Variants in ARL10 observed in about 807,000 individuals in gnomAD.
The protein encoded by ARL10 is ADP-ribosylation factor-like protein 10.
Under a neutral mutation model 26.1 loss-of-function variants are expected in ARL10, and 23 were observed. The ratio of observed to expected loss-of-function variants is 0.88; its 90% CI spans 0.63 to 1.25. ARL10 has a LOEUF of 1.25. ARL10 is among the 50% of genes most tolerant of loss of function. The pLI is 0.00. For missense variants in ARL10, 300 were observed against 323.6 expected (o/e 0.93, Z 0.56); for synonymous variants, 138 against 149.1 (o/e 0.93, Z 0.54).
rs1768605144 is a variant in ARL10 at position 176,373,353 on chromosome 5, CTTA to C, written c.*1463_*1465del. The C allele has an allele frequency of 3.4e-6, 1 of 293,870 alleles. No homozygotes were observed. Among genetic ancestry groups the C allele is most frequent in the Non-Finnish European group, 6.2e-6 (1 of 160,274 alleles). The allele number at this position is 293,870 out of a possible 1,614,324, so 18.2% of individuals were successfully genotyped here. On this transcript the variant is annotated 3_prime_UTR_variant, in exon 4 of 4. Coordinates refer to ENST00000310389, the MANE Select transcript of ARL10 (RefSeq NM_173664.6). ...TTGAAGGACTGGCTCTGTACTGACA[CTTA>C]TTATCGGTACAGGCAAAGAGGAGCC... is the stretch of plus-strand genomic sequence containing the variant.
intron 1 of ARL10, among the ~76,000 whole-genome samples, chr5:176,400,028 C>T (rs559463200): frequency 3.3e-4 from 50 of 152,078 alleles, no homozygotes; most frequent in Middle Eastern, 3.5e-3. Flanking sequence ...CCCATCTCTA[C>T]TAAAAACACA....
the ARL10 span, among the ~76,000 whole-genome samples, chr5:176,414,528 C>T: frequency 1.2e-4 from 18 of 151,878 alleles, no homozygotes; most frequent in African/African-American, 3.6e-4. Context: ...CTACACCTCC[C>T]GGGCTCAAGC....
At chr5:176,401,807 G>A (rs1291835939) in exon 2 of ARL10, 11 of 455,006 alleles carry the variant, frequency 2.4e-5, no homozygotes, top group Non-Finnish European at 3.5e-5. Flanking sequence ...CCTCCTGTTC[G>A]TCCTTGATTT....
intron 1 of ARL10, among the ~76,000 whole-genome samples, chr5:176,400,964 A>AAGGGCAGGCC (rs750189890): frequency 1.2e-4 from 18 of 152,144 alleles, no homozygotes; most frequent in Non-Finnish European, 2.2e-4. Context: ...GGAGTGAGGG[A>AAGGGCAGGCC]AGGGCAGGCC....
chr5:176,412,147 G>T, the ARL10 span, among the ~76,000 whole-genome samples: 2 of 145,914 alleles, frequency 1.4e-5, no homozygotes, highest in East Asian at 4.0e-4. Context: ...CTGCACTCCA[G>T]CCTGGGCGAC....
At position 176,368,733 on chromosome 5, in the gene ARL10, C is replaced by CGGGGT; in HGVS notation, c.386-64_386-60dup. 7.7e-7 allele frequency: 1 copy of CGGGGT among 1,299,334 alleles called. No individual in the cohort carries two copies. Among genetic ancestry groups the CGGGGT allele is most frequent in the Non-Finnish European group, 9.7e-7 (1 of 1,027,284 alleles). 80.5% of individuals were successfully genotyped at this position (1,299,334 alleles called of 1,614,324 possible). On this transcript the variant is annotated intron_variant, in intron 2 of 3. Coordinates refer to ENST00000310389, the MANE Select transcript of ARL10 (RefSeq NM_173664.6). The surrounding 1 kb of genome is among the most constrained non-coding windows in gnomAD (Gnocchi z 4.1). ...GGGCTGTGGGCAGTGAGCGGGGGCC[C>CGGGGT]GGGGTGGGGTGGGGGCTGTGGGCAG...
Position 176,388,129 on chromosome 5 carries a change from G to C in ARL10, c.37-166G>C. ...TGACTGTGGGGAGGTCGAAAACTCGGAAGGGCCTGAGGGAAGGAATGGGCA... is the reference window on the plus strand; with the variant it reads ...TGACTGTGGGGAGGTCGAAAACTCGCAAGGGCCTGAGGGAAGGAATGGGCA... On this transcript the variant is annotated intron_variant, in intron 1 of 1. Coordinates refer to the ARL10 transcript ENST00000503175. 1.6e-5 allele frequency: 13 copies of C among 832,126 alleles called. 1 individual carries two copies. The South Asian group carries it at 2.0e-4, about 13-fold the overall frequency. The allele number at this position is 832,126 out of a possible 1,614,324, so 51.5% of individuals were successfully genotyped here.
At chr5:176,412,619 T>C in the ARL10 span, among the ~76,000 whole-genome samples, 7 of 152,264 alleles carry the variant, frequency 4.6e-5, no homozygotes, top group East Asian at 1.4e-3. Context: ...GCAGCGACAG[T>C]GTGTTTGGCC....
At chr5:176,400,475 G>A (rs62402498) in intron 1 of ARL10, among the ~76,000 whole-genome samples, 40,629 of 151,990 alleles carry the variant, frequency 0.27, 6,017 homozygotes, top group African/African-American at 0.41. Context: ...CTCTGCTCAC[G>A]TCTCCCCACC....
chr5:176,399,005 G>A (rs913316887), intron 1 of ARL10, among the ~76,000 whole-genome samples: 1 of 151,892 alleles, frequency 6.6e-6, no homozygotes, highest in African/African-American at 2.4e-5. Context: ...ACGACACCCG[G>A]CTAATTTTTT....
chr5:176,371,773 C>T lies in ARL10; in HGVS notation c.613C>T (p.Gln205Ter), dbSNP rs1390698164. ...GGAGCTGCAGCGGGAGCTGGGTCTACAGGCTATCGATAACCAGCGGGAGGT... is the reference window on the plus strand; with the variant it reads ...GGAGCTGCAGCGGGAGCTGGGTCTATAGGCTATCGATAACCAGCGGGAGGT... The part of the protein sequence containing the change: ...MGELQRELGL[Q>*]AIDNQREVFL... Residue 205 changes from glutamine to a stop codon, truncating the protein, a stop_gained, in exon 4 of 4, where the codon CAG (glutamine) becomes TAG (stop). Transcript: ENST00000310389. LOFTEE classifies it high-confidence loss of function. 1 of 1,614,260 alleles carries T rather than the reference C, an allele frequency of 6.2e-7. No homozygotes were observed. Among genetic ancestry groups the T allele is most frequent in the East Asian group, 2.2e-5 (1 of 44,880 alleles).
Position 176,375,017 on chromosome 5 carries a change from A to T in ARL10, c.*3122A>T, listed in dbSNP as rs1768643895. On this transcript the variant is annotated 3_prime_UTR_variant, in exon 4 of 4. Coordinates refer to ENST00000310389, the MANE Select transcript of ARL10 (RefSeq NM_173664.6). ...ACCATACACAAGCTCCTAGCTGGGC[A>T]AAGGAAATCTAAAGCTGCATGAAGT... is the stretch of plus-strand genomic sequence containing the variant. 1 of 152,208 alleles carries T rather than the reference A, an allele frequency of 6.6e-6. No individual in the cohort carries two copies. The highest frequency in any genetic ancestry group is 6.6e-5 in the Admixed American group (1 of 15,264). 9.4% of individuals were successfully genotyped at this position (152,208 alleles called of 1,614,324 possible).
rs760116631 is a variant in ARL10 at position 176,368,895 on chromosome 5, A to G, written c.474A>G (p.Arg158=). Residue 158 remains arginine, a synonymous_variant, in exon 3 of 4, where the codon CGA becomes CGG. Coordinates refer to ENST00000310389, the MANE Select transcript of ARL10 (RefSeq NM_173664.6). The surrounding 1 kb of genome is among the most constrained non-coding windows in gnomAD (Gnocchi z 4.1). Reference sequence around the variant, plus strand: ...TGTTTGTGGTGGACTCGGCTGACCGACTGCGGCTGCCCTGGGCCCGACAGG... The same window carrying G: ...TGTTTGTGGTGGACTCGGCTGACCGGCTGCGGCTGCCCTGGGCCCGACAGG... The part of the protein sequence containing the change: ...VLVFVVDSAD[R]LRLPWARQEL... 2 of 1,614,138 alleles carry G rather than the reference A, an allele frequency of 1.2e-6. No individual in the cohort carries two copies. Among genetic ancestry groups the G allele is most frequent in the Non-Finnish European group, 8.5e-7 (1 of 1,180,036 alleles).
At chr5:176,383,797 G>A (rs1437085617), downstream of ARL10, 5 of 609,550 alleles carry the variant, frequency 8.2e-6, no homozygotes, top group Admixed American at 3.1e-5. Flanking sequence ...GAGCCATCGG[G>A]ATGAGGCCAG....
At chr5:176,408,816 G>A in the ARL10 span, among the ~76,000 whole-genome samples, 10 of 152,332 alleles carry the variant, frequency 6.6e-5, no homozygotes, top group East Asian at 9.6e-4. Context: ...CGCCGTGCCC[G>A]GCTGGGTTTT....
At chr5:176,388,576 CCT>C (rs753343413) in exon 2 of ARL10, 4 of 1,564,112 alleles carry the variant, frequency 2.6e-6, no homozygotes, top group Non-Finnish European at 8.8e-7. Flanking sequence ...AAACACGCTG[CCT>C]CTGTCTCTCA....
chr5:176,382,771 A>C (rs1755583713), downstream of ARL10, among the ~76,000 whole-genome samples: 1 of 152,118 alleles, frequency 6.6e-6, no homozygotes, highest in African/African-American at 2.4e-5. Flanking sequence ...CAAAACCTAC[A>C]AGACACACAT....
the ARL10 span, among the ~76,000 whole-genome samples, chr5:176,412,154 C>A: frequency 7.2e-6 from 1 of 139,466 alleles, no homozygotes; most frequent in African/African-American, 2.7e-5. Context: ...CCAGCCTGGG[C>A]GACAGAGTGA....
chr5:176,373,304 T>C lies in ARL10; in HGVS notation c.*1409T>C, dbSNP rs910299166. 1 of 359,046 alleles carries C rather than the reference T, an allele frequency of 2.8e-6. No individual in the cohort carries two copies. The highest frequency in any genetic ancestry group is 5.0e-6 in the Non-Finnish European group (1 of 201,418). The allele number at this position is 359,046 out of a possible 1,614,324, so 22.2% of individuals were successfully genotyped here. On this transcript the variant is annotated 3_prime_UTR_variant, in exon 4 of 4. Coordinates refer to ENST00000310389, the MANE Select transcript of ARL10 (RefSeq NM_173664.6). ...CTCATCAGTGCACATTCCATAGTTC[T>C]CCAGTGCTTGGCGATCAGCCCAATT...
Sources: gnomAD v4.1 joint callset for allele counts (sites outside exome capture counted in the v4.1 genomes callset) on GRCh38, gnomAD v4.1.1 for gene constraint, Gnocchi (gnomAD v3.1) non-coding constraint, MANE v1.5 for transcripts, NCBI Gene and HGNC (gene_info 2026-07-23, HGNC 2026-07-21) for gene names.